PRMT3: variants seen among roughly 807,000 people sequenced by gnomAD.
The protein encoded by PRMT3 is protein arginine N-methyltransferase 3.
PRMT3 carries 62 observed loss-of-function variants against 71.9 expected under a neutral mutation model. The observed-to-expected ratio is 0.86, with a 90% CI of 0.70 to 1.07. The LOEUF (loss-of-function observed/expected upper bound fraction) is 1.07, where lower values mean the gene tolerates loss of function less well. PRMT3 is among the 50% of genes least tolerant of loss of function. The probability of loss-of-function intolerance (pLI) is 0.00; values close to 1 mark genes in which losing one functional copy is unlikely to be tolerated. For synonymous variants in PRMT3, 213 were observed against 220.4 expected (o/e 0.97, Z 0.30); for missense variants, 663 against 643.0 (o/e 1.03, Z -0.34).
intron 11 of PRMT3, among the ~76,000 whole-genome samples, chr11:20,458,052 T>C (rs1233204431): frequency 6.6e-6 from 1 of 152,204 alleles, no homozygotes; most frequent in African/African-American, 2.4e-5. Flanking sequence ...TTATATAAAC[T>C]AGAAATTAAT....
At chr11:20,475,850 G>A (rs1286050874) in intron 13 of PRMT3, among the ~76,000 whole-genome samples, 3 of 150,884 alleles carry the variant, frequency 2.0e-5, no homozygotes, top group Non-Finnish European at 4.4e-5. Context: ...GATGTATTTT[G>A]TATTTAGTAG....
intron 13 of PRMT3, among the ~76,000 whole-genome samples, chr11:20,475,432 TTC>T (rs781416550): frequency 1.3e-5 from 2 of 152,340 alleles, no homozygotes; most frequent in Non-Finnish European, 2.9e-5. Context: ...GCTTTCATTC[TTC>T]TCTGTGAGTG....
chr11:20,402,985 G>C lies in PRMT3; in HGVS notation c.771+1G>C. On this transcript the variant is annotated splice_donor_variant, in intron 8 of 15. Coordinates refer to ENST00000331079, the MANE Select transcript of PRMT3 (RefSeq NM_005788.4). LOFTEE classifies it high-confidence loss of function. ...AAATCCACATATCTTCAAAGACAAG[G>C]TAAGTAGTATAGGTTATAGAATTAT... 5.1e-6 allele frequency: 8 copies of C among 1,577,628 alleles called. No homozygotes were observed. Among genetic ancestry groups the C allele is most frequent in the Non-Finnish European group, 7.0e-6 (8 of 1,147,150 alleles).
chr11:20,452,074 T>G, intron 10 of PRMT3, 56 bp from the exon 11 acceptor site: 1 of 1,246,454 alleles, frequency 8.0e-7, no homozygotes, highest in Non-Finnish European at 1.1e-6. Context: ...TAAATTGACC[T>G]GCTTATGAGA....
At chr11:20,489,125 T>C (rs1017312835) in intron 13 of PRMT3, among the ~76,000 whole-genome samples, 2 of 152,200 alleles carry the variant, frequency 1.3e-5, no homozygotes, top group Non-Finnish European at 2.9e-5. Context: ...CATTCTGTTT[T>C]CTTCTATCAT....
chr11:20,407,971 G>A lies in PRMT3; in HGVS notation c.832G>A (p.Ala278Thr). The A allele has an allele frequency of 1.9e-6, 3 of 1,606,796 alleles. No individual in the cohort carries two copies. The highest frequency in any genetic ancestry group is 1.7e-6 in the Non-Finnish European group (2 of 1,173,468). Residue 278 changes from alanine (A) to threonine (T), a missense_variant, in exon 9 of 16, where the codon GCG becomes ACG. Ala to Thr is a moderately conservative substitution (Grantham distance 58). Transcript: ENST00000331079. Reference protein sequence around the residue: ...ILSMFAAKAGAKKVLGVDQSE... With the variant: ...ILSMFAAKAGTKKVLGVDQSE... ...CTCTATGTTTGCTGCTAAAGCTGGG[G>A]CGAAGAAGGTTCTTGGAGTTGATCA... is the stretch of plus-strand genomic sequence containing the variant.
chr11:20,401,265 T>C (rs575380520), intron 7 of PRMT3, among the ~76,000 whole-genome samples: 1 of 152,326 alleles, frequency 6.6e-6, no homozygotes, highest in African/African-American at 2.4e-5. Context: ...GTGTAAGTTT[T>C]GTCGTTTCTG....
chr11:20,497,506 G>C (rs1242165117), intron 15 of PRMT3, among the ~76,000 whole-genome samples: 1 of 41,346 alleles, frequency 2.4e-5, no homozygotes, highest in Admixed American at 1.6e-4. Context: ...TATAAAGAAA[G>C]GATCATGTAA....
intron 5 of PRMT3, among the ~76,000 whole-genome samples, chr11:20,395,532 T>TA: frequency 6.6e-6 from 1 of 151,650 alleles, no homozygotes; most frequent in East Asian, 1.9e-4. Flanking sequence ...TTTTTTTTTT[T>TA]AGTAGAGATA....
At position 20,501,368 on chromosome 11, in the gene PRMT3, C is replaced by T. The variant is rs973917698; in HGVS notation, c.1487-6936C>T. Among the ~76,000 whole-genome samples, 9 of 151,984 alleles carry T rather than the reference C, an allele frequency of 5.9e-5. No homozygotes were observed. The East Asian group carries it at 1.5e-3, about 26-fold the overall frequency. On this transcript the variant is annotated intron_variant, in intron 15 of 15. Transcript: ENST00000331079. ...TATATTGTCATTGAAATCCAATTTTCTCCATCACCTTGGGTAACACTATGC... is the reference window on the plus strand; with the variant it reads ...TATATTGTCATTGAAATCCAATTTTTTCCATCACCTTGGGTAACACTATGC...
At chr11:20,403,229 T>G (rs7479181) in intron 8 of PRMT3, among the ~76,000 whole-genome samples, 119,118 of 152,184 alleles carry the variant, frequency 0.78, 49,291 homozygotes, top group Non-Finnish European at 0.93. Flanking sequence ...TATAATGACA[T>G]AGCTTAGTTA....
At chr11:20,450,641 A>G (rs1850126867) in intron 10 of PRMT3, among the ~76,000 whole-genome samples, 1 of 152,160 alleles carries the variant, frequency 6.6e-6, no homozygotes, top group Non-Finnish European at 1.5e-5. Context: ...GTATCAATGA[A>G]TCAGTGAGCT....
At position 20,407,894 on chromosome 11, in the gene PRMT3, T is replaced by G. The variant is rs1180015163; in HGVS notation, c.772-17T>G. The G allele has an allele frequency of 2.5e-6, 4 of 1,595,056 alleles. No individual in the cohort carries two copies. The highest frequency in any genetic ancestry group is 1.4e-5 in the African/African-American group (1 of 73,726). On this transcript the variant is annotated splice_polypyrimidine_tract_variant and intron_variant, in intron 8 of 15. Transcript: ENST00000331079. The stretch of plus-strand genomic sequence containing the variant: ...GATAACATCTGTTTTGTTTTGGTTT[T>G]TTCTTAATTACCCTAGGTAGTTTTG...
At chr11:20,417,972 G>A (rs150245865) in intron 9 of PRMT3, among the ~76,000 whole-genome samples, 2 of 152,198 alleles carry the variant, frequency 1.3e-5, no homozygotes, top group African/African-American at 4.8e-5. Flanking sequence ...GACCATACCC[G>A]TAAGTGCATG....
chr11:20,450,555 T>C (rs1850124895), intron 10 of PRMT3, among the ~76,000 whole-genome samples: 1 of 152,182 alleles, frequency 6.6e-6, no homozygotes, highest in African/African-American at 2.4e-5. Flanking sequence ...TTCTGTCAAA[T>C]CCTTAATTTT....
chr11:20,433,008 T>C (rs76132817), intron 10 of PRMT3, among the ~76,000 whole-genome samples: 4,546 of 152,292 alleles, frequency 0.03, 227 homozygotes, highest in African/African-American at 0.1. Flanking sequence ...CTTTACTCTT[T>C]TGTTTTCTTT....
At chr11:20,429,881 A>G (rs1440183906) in intron 10 of PRMT3, among the ~76,000 whole-genome samples, 1 of 152,172 alleles carries the variant, frequency 6.6e-6, no homozygotes, top group Non-Finnish European at 1.5e-5. Flanking sequence ...ATCTTTGTGG[A>G]TTGGAAATAT....
intron 10 of PRMT3, among the ~76,000 whole-genome samples, chr11:20,427,649 C>T (rs1184180406): frequency 6.6e-6 from 1 of 152,012 alleles, no homozygotes; most frequent in Non-Finnish European, 1.5e-5. Context: ...GGCTTGAACC[C>T]AGGAGGTTGG....
intron 9 of PRMT3, among the ~76,000 whole-genome samples, chr11:20,410,451 C>T (rs907360332): frequency 4.0e-5 from 6 of 150,628 alleles, no homozygotes; most frequent in Non-Finnish European, 7.4e-5. Flanking sequence ...GAGCTCCCAG[C>T]GGAAACAATT....
Sources: gnomAD v4.1 joint callset for allele counts (sites outside exome capture counted in the v4.1 genomes callset) on GRCh38, gnomAD v4.1.1 for gene constraint, MANE v1.5 for transcripts, NCBI Gene and HGNC (gene_info 2026-07-23, HGNC 2026-07-21) for gene names.